Variants in IZUMO2 observed in about 807,000 individuals in gnomAD.
The protein encoded by IZUMO2 is IZUMO family member 2, also known as izumo sperm-egg fusion protein 2.
IZUMO2 carries 24 observed loss-of-function variants against 31.2 expected under a neutral mutation model. The observed-to-expected ratio is 0.77, with a 90% CI of 0.56 to 1.08. IZUMO2 has a LOEUF of 1.08. Ranked by LOEUF, IZUMO2 falls within the 50% of genes least tolerant of loss-of-function variation. The pLI, the probability that IZUMO2 is intolerant of heterozygous loss-of-function variation, is 0.00. For synonymous variants in IZUMO2, 144 were observed against 117.3 expected, an observed-to-expected ratio of 1.23 and a Z score of -1.47; for missense variants, 278 against 274.0, an observed-to-expected ratio of 1.01 and a Z score of -0.10.
intron 5 of IZUMO2, among the ~76,000 whole-genome samples, chr19:50,157,789 G>C (rs1482197735): frequency 6.6e-6 from 1 of 151,258 alleles, no homozygotes; most frequent in Admixed American, 6.6e-5. Flanking sequence ...GTATGGTGGT[G>C]CACACTTGTA....
At chr19:50,156,640 C>T (rs2030220749) in intron 5 of IZUMO2, among the ~76,000 whole-genome samples, 1 of 151,554 alleles carries the variant, frequency 6.6e-6, no homozygotes, top group South Asian at 2.1e-4. Flanking sequence ...AGAAACTGTT[C>T]TAGGCCGGGT....
intron 5 of IZUMO2, 68 bp from the exon 6 acceptor site, chr19:50,154,794 A>C: frequency 6.4e-7 from 1 of 1,568,198 alleles, no homozygotes. Context: ...TACCCACCCC[A>C]CCTGTTCATT....
rs563730296 is a variant in IZUMO2, at chr19:50,163,059, A to G, written c.136T>C (p.Leu46=). The change falls in exon 1 of 7, where the codon TTG becomes CTG. Residue 46 remains leucine (L), a synonymous_variant. Transcript: ENST00000293405. ...CCGGCGCGCGCCTGCAGCTGCTCCAACTGGAAGCGACTGGGGATGAGGGCG... is the reference window on the plus strand; with the variant it reads ...CCGGCGCGCGCCTGCAGCTGCTCCAGCTGGAAGCGACTGGGGATGAGGGCG... The part of the protein sequence containing the change: ...RSALIPSRFQ[L]EQLQARAGAV... 1.6e-5 allele frequency: 25 copies of G among 1,602,980 alleles called. No individual in the cohort carries two copies. The highest frequency in any genetic ancestry group is 1.7e-4 in the Middle Eastern group (1 of 5,994).
chr19:50,157,910 T>TCAAAAAAAA (rs1262838532), intron 5 of IZUMO2, among the ~76,000 whole-genome samples: 1 of 110,824 alleles, frequency 9.0e-6, no homozygotes, highest in African/African-American at 3.1e-5. Flanking sequence ...AGAATCCATA[T>TCAAAAAAAA]AAAAAAAAAA....
chr19:50,158,381 G>A, intron 4 of IZUMO2, 33 bp from the exon 5 acceptor site: 3 of 1,440,570 alleles, frequency 2.1e-6, no homozygotes, highest in Non-Finnish European at 2.9e-6. Context: ...GTAAGACAAG[G>A]GCAGATATCA....
Position 50,163,223 on chromosome 19 carries a change from A to G in IZUMO2, c.-29T>C, listed in dbSNP as rs1012990691. The G allele has an allele frequency of 1.3e-6, 2 of 1,518,836 alleles. No homozygotes were observed. The highest frequency in any genetic ancestry group is 4.1e-5 in the Admixed American group (2 of 48,238). The allele number at this position is 1,518,836 out of a possible 1,614,324, so 94.1% of individuals were successfully genotyped here. A position where few individuals can be genotyped will look rare whatever the true frequency, so the allele number is the denominator to read the frequency against. The stretch of plus-strand genomic sequence containing the variant: ...GGGGCCTTTGTGACGTCACAGAGAG[A>G]ACCCGGCCCGCCCCGCCTCCCAGGC... On this transcript the variant is annotated 5_prime_UTR_variant, in exon 1 of 7. Coordinates refer to ENST00000293405, the MANE Select transcript of IZUMO2 (RefSeq NM_152358.3).
intron 4 of IZUMO2, among the ~76,000 whole-genome samples, 154 bp downstream of exon 4, chr19:50,159,076 A>T (rs1333580887): frequency 6.6e-6 from 1 of 152,136 alleles, no homozygotes; most frequent in Non-Finnish European, 1.5e-5. Flanking sequence ...TATTTTCATA[A>T]ACCTTTAAAA....
chr19:50,162,180 G>A (rs1375643839), intron 2 of IZUMO2, among the ~76,000 whole-genome samples: 1 of 152,174 alleles, frequency 6.6e-6, no homozygotes, highest in African/African-American at 2.4e-5. Context: ...CTACTCGGGA[G>A]GCTGAGGCAG....
chr19:50,152,821 G>C (rs1057279713), intron 6 of IZUMO2, among the ~76,000 whole-genome samples, 170 bp from the exon 7 acceptor site: 1 of 152,134 alleles, frequency 6.6e-6, no homozygotes, highest in Non-Finnish European at 1.5e-5. Flanking sequence ...CTGCCAACCG[G>C]AGTTGGTGAG....
Position 50,158,277 on chromosome 19 carries a change from A to C in IZUMO2, c.487T>G (p.Tyr163Asp), listed in dbSNP as rs528814213. The C allele has an allele frequency of 6.2e-7, 1 of 1,607,750 alleles. No individual in the cohort carries two copies. The highest frequency in any genetic ancestry group is 1.7e-5 in the Admixed American group (1 of 59,642). ...RITPKCIHKK[Y>D]CFVDRQPRVA... The stretch of plus-strand genomic sequence containing the variant: ...ACCCCCAGAAGCTTACCAAAGCAGT[A>C]CTTTTTGTGGATACACTTGGGAGTG... The change falls in exon 5 of 7, where the codon TAC (tyrosine) becomes GAC (aspartate). Residue 163 changes from tyrosine to aspartate, a missense_variant. By Grantham distance (160) the Tyr-to-Asp change is radical. Transcript: ENST00000293405.
intron 5 of IZUMO2, among the ~76,000 whole-genome samples, chr19:50,157,609 G>T (rs1354293148): frequency 6.7e-6 from 1 of 148,830 alleles, no homozygotes; most frequent in African/African-American, 2.5e-5. Context: ...CGGTCTCGTT[G>T]TACTATTCTT....
rs779005712 is a variant in IZUMO2, at chr19:50,163,162, C to G, written c.33G>C (p.Ser11=). 36 of 1,562,876 alleles carry G rather than the reference C, an allele frequency of 2.3e-5. No individual in the cohort carries two copies. Among genetic ancestry groups the G allele is most frequent in the South Asian group, 3.5e-5 (3 of 85,740 alleles). The change falls in exon 1 of 7, where the codon TCG becomes TCC. Residue 11 remains serine, a synonymous_variant. Coordinates refer to ENST00000293405, the MANE Select transcript of IZUMO2 (RefSeq NM_152358.3). ...CCCAGCCTCCGGGGGCGCCCAAGCC[C>G]GAGAGCAGCAGAAGGGTCAAAGCCA... MPLALTLLLL[S]GLGAPGGWGC...
chr19:50,162,875 C>G, intron 1 of IZUMO2, 62 bp from the exon 2 acceptor site: 1 of 1,602,322 alleles, frequency 6.2e-7, no homozygotes, highest in East Asian at 2.2e-5. Context: ...GACCTCACCC[C>G]CTCCAGGCCT....
At chr19:50,154,981 G>A (rs2030166842) in intron 5 of IZUMO2, among the ~76,000 whole-genome samples, 1 of 152,206 alleles carries the variant, frequency 6.6e-6, no homozygotes, top group South Asian at 2.1e-4. Context: ...CTGGACTCAT[G>A]GAGTTGACAG....
intron 2 of IZUMO2, chr19:50,159,824 T>G (rs1164708282): frequency 4.9e-6 from 2 of 411,014 alleles, no homozygotes; most frequent in Non-Finnish European, 8.8e-6. Context: ...ATCTGGCAAG[T>G]GGATTTGATC....
At chr19:50,162,533 G>A (rs1251914770) in intron 2 of IZUMO2, among the ~76,000 whole-genome samples, 1 of 152,036 alleles carries the variant, frequency 6.6e-6, no homozygotes, top group Non-Finnish European at 1.5e-5. Flanking sequence ...CAGGATCGCT[G>A]GAGCCCTGGA....
In IZUMO2 at chr19:50,159,475, G is replaced by T; in HGVS notation, c.394+19C>A. 6.5e-7 allele frequency: 1 copy of T among 1,550,076 alleles called. No homozygotes were observed. Among genetic ancestry groups the T allele is most frequent in the Non-Finnish European group, 8.9e-7 (1 of 1,122,690 alleles). Reference sequence around the variant, plus strand: ...CAAGGGAGAAGAGGAGAGGGGATTGGTGGAGAGATATGCTGCACCTTTTAA... The same window carrying T: ...CAAGGGAGAAGAGGAGAGGGGATTGTTGGAGAGATATGCTGCACCTTTTAA... On this transcript the variant is annotated intron_variant, in intron 3 of 6. Transcript: ENST00000293405.
intron 5 of IZUMO2, among the ~76,000 whole-genome samples, 199 bp from the exon 6 acceptor site, chr19:50,154,925 C>T (rs763967614): frequency 1.3e-4 from 20 of 152,154 alleles, no homozygotes; most frequent in African/African-American, 3.4e-4. Context: ...CTGTCTCAGG[C>T]GCCATTGTAG....
At chr19:50,155,506 G>A (rs749937634) in intron 5 of IZUMO2, among the ~76,000 whole-genome samples, 4 of 152,216 alleles carry the variant, frequency 2.6e-5, no homozygotes, top group Non-Finnish European at 2.9e-5. Flanking sequence ...CTTAGCTATT[G>A]GCCCTGAAGG....
Sources: allele counts gnomAD v4.1 joint callset (sites outside exome capture counted in the v4.1 genomes callset), GRCh38; gene constraint gnomAD v4.1.1; transcripts MANE v1.5; gene names NCBI Gene and HGNC (gene_info 2026-07-23, HGNC 2026-07-21).